ENTREP2: variants seen among roughly 807,000 people sequenced by gnomAD.
The protein encoded by ENTREP2 is protein ENTREP2.
At chr15:29,576,384 A>G in the ENTREP2 span, among the ~76,000 whole-genome samples, 1 of 152,250 alleles carries the variant, frequency 6.6e-6, no homozygotes, top group Non-Finnish European at 1.5e-5. Context: ...AGAAGAAAAC[A>G]TAGGCATAAA....
chr15:29,565,270 A>C, the ENTREP2 span, among the ~76,000 whole-genome samples: 1 of 152,194 alleles, frequency 6.6e-6, no homozygotes, highest in Admixed American at 6.5e-5. Flanking sequence ...AGGGGCACAC[A>C]CTGTAGGCTT....
the ENTREP2 span, among the ~76,000 whole-genome samples, chr15:29,284,556 CAAA>C: frequency 4.5e-3 from 564 of 125,288 alleles, 2 homozygotes; most frequent in East Asian, 0.015. Context: ...GACTCCATCT[CAAA>C]AAAAAAAAAA....
At chr15:29,631,456 TGAC>T in the ENTREP2 span, among the ~76,000 whole-genome samples, 5 of 152,330 alleles carry the variant, frequency 3.3e-5, no homozygotes, top group South Asian at 2.1e-4. Context: ...GCGGGTCCAA[TGAC>T]GACTGAGTTT....
chr15:29,454,973 C>G, the ENTREP2 span, among the ~76,000 whole-genome samples: 5 of 152,202 alleles, frequency 3.3e-5, no homozygotes, highest in Admixed American at 2.6e-4. Context: ...AGGCCTAACA[C>G]GTTGACAGTC....
chr15:29,212,288 T>C, the ENTREP2 span, among the ~76,000 whole-genome samples: 10 of 152,206 alleles, frequency 6.6e-5, no homozygotes, highest in Non-Finnish European at 1.5e-4. Context: ...TAGCCTTGAA[T>C]GATCTTTTGT....
At chr15:29,402,263 T>TATATATATATATATATAC in the ENTREP2 span, among the ~76,000 whole-genome samples, 8 of 136,120 alleles carry the variant, frequency 5.9e-5, no homozygotes, top group Non-Finnish European at 9.7e-5. Context: ...TATATATATA[T>TATATATATATATATATAC]ATACACACAC....
chr15:29,594,876 C>T, the ENTREP2 span, among the ~76,000 whole-genome samples: 2 of 151,754 alleles, frequency 1.3e-5, no homozygotes, highest in Non-Finnish European at 2.9e-5. Context: ...ATCATCCTGG[C>T]TAACACGGTG....
the ENTREP2 span, among the ~76,000 whole-genome samples, chr15:29,454,473 C>T: frequency 6.6e-6 from 1 of 152,174 alleles, no homozygotes; most frequent in Non-Finnish European, 1.5e-5. Context: ...AGTGTCATGG[C>T]CCTTCAGCCT....
chr15:29,514,643 G>T, the ENTREP2 span, among the ~76,000 whole-genome samples: 1 of 152,136 alleles, frequency 6.6e-6, no homozygotes, highest in Admixed American at 6.5e-5. Flanking sequence ...CTGTAGGGGG[G>T]AAATTCCCAC....
chr15:29,341,956 G>A, the ENTREP2 span, among the ~76,000 whole-genome samples: 9 of 152,130 alleles, frequency 5.9e-5, no homozygotes, highest in Non-Finnish European at 1.0e-4. Context: ...GCTTTCAGAC[G>A]ACTTTTTATT....
chr15:29,531,732 C>A, the ENTREP2 span, among the ~76,000 whole-genome samples: 1 of 152,232 alleles, frequency 6.6e-6, no homozygotes, highest in African/African-American at 2.4e-5. Flanking sequence ...GTGGCGCAAT[C>A]TCGGCTCACT....
the ENTREP2 span, chr15:29,234,231 G>A: frequency 2.9e-5 from 47 of 1,611,632 alleles, no homozygotes; most frequent in African/African-American, 4.0e-5. Context: ...GGTGGTTGTC[G>A]TAACTCTTCT....
the ENTREP2 span, among the ~76,000 whole-genome samples, chr15:29,437,422 A>T: frequency 1.3e-5 from 2 of 152,248 alleles, no homozygotes; most frequent in African/African-American, 4.8e-5. Flanking sequence ...AGATGATCCT[A>T]AAAACACTGT....
the ENTREP2 span, among the ~76,000 whole-genome samples, chr15:29,653,821 C>G: frequency 6.6e-6 from 1 of 151,436 alleles, no homozygotes; most frequent in South Asian, 2.1e-4. Flanking sequence ...CCTTAATACA[C>G]GTGGTCCAGA....
the ENTREP2 span, among the ~76,000 whole-genome samples, chr15:29,236,025 C>T: frequency 0.42 from 63,687 of 151,634 alleles, 13,669 homozygotes; most frequent in East Asian, 0.6. Context: ...ATCATAAAGA[C>T]AAAAGTACAA....
chr15:29,639,716 A>G, the ENTREP2 span, among the ~76,000 whole-genome samples: 1 of 152,160 alleles, frequency 6.6e-6, no homozygotes, highest in East Asian at 1.9e-4. Context: ...TGAAATAACA[A>G]TTAGAAAAAC....
the ENTREP2 span, among the ~76,000 whole-genome samples, chr15:29,212,793 A>G: frequency 6.6e-6 from 1 of 152,186 alleles, no homozygotes; most frequent in African/African-American, 2.4e-5. Context: ...TCTTTAGTTT[A>G]ATTAGATCCC....
the ENTREP2 span, among the ~76,000 whole-genome samples, chr15:29,323,196 C>T: frequency 1.3e-5 from 2 of 152,164 alleles, no homozygotes; most frequent in African/African-American, 4.8e-5. Context: ...GATGGGGTTG[C>T]TCACTGGAAA....
chr15:29,219,614 A>AAT, the ENTREP2 span, among the ~76,000 whole-genome samples: 1,020 of 37,798 alleles, frequency 0.027, 54 homozygotes, highest in Non-Finnish European at 0.033. Context: ...GTGGTGCATA[A>AAT]ATATATATAT....
Sources: allele counts gnomAD v4.1 joint callset (sites outside exome capture counted in the v4.1 genomes callset), GRCh38; gene constraint gnomAD v4.1.1; transcripts MANE v1.5; gene names NCBI Gene and HGNC (gene_info 2026-07-23, HGNC 2026-07-21).